ZMYM5: variants seen among roughly 807,000 people sequenced by gnomAD.
ZMYM5 encodes the protein zinc finger MYM-type protein 5.
ZMYM5 carries 41 observed loss-of-function variants against 61.8 expected under a neutral mutation model. That is an observed-to-expected ratio of 0.66 (90% CI 0.52 to 0.86). The LOEUF is 0.86. Ranked by LOEUF, ZMYM5 falls within the 40% of genes least tolerant of loss-of-function variation. The pLI is 0.00. For missense variants in ZMYM5, 706 were observed against 786.7 expected (o/e 0.90, Z 1.23); for synonymous variants, 257 against 276.4 (o/e 0.93, Z 0.70).
At chr13:19,860,805 A>G (rs893729814) in intron 2 of ZMYM5, among the ~76,000 whole-genome samples, 7 of 151,972 alleles carry the variant, frequency 4.6e-5, no homozygotes, top group Non-Finnish European at 8.8e-5. Flanking sequence ...AAATTCAGCA[A>G]TAAGAATTGA....
At chr13:19,862,844 G>A (rs568010158) in intron 1 of ZMYM5, among the ~76,000 whole-genome samples, 2 of 152,334 alleles carry the variant, frequency 1.3e-5, no homozygotes, top group Admixed American at 1.3e-4. Flanking sequence ...GTAACGGGCG[G>A]CGCGCATCAC....
At position 19,824,417 on chromosome 13, in the gene ZMYM5, C is replaced by A. The variant is rs1890805640; in HGVS notation, c.*60G>T. On this transcript the variant is annotated 3_prime_UTR_variant, in exon 8 of 8. Coordinates refer to ENST00000337963, the MANE Select transcript of ZMYM5 (RefSeq NM_001142684.2). ...CACAATAGTACTGACTATTGCAGGA[C>A]AGATGTTTTCTGAGTAATGTAAGAT... 8.0e-7 allele frequency: 1 copy of A among 1,242,620 alleles called. No homozygotes were observed. The highest frequency in any genetic ancestry group is 1.0e-6 in the Non-Finnish European group (1 of 969,586). The allele number at this position is 1,242,620 out of a possible 1,614,324, so 77.0% of individuals were successfully genotyped here.
intron 7 of ZMYM5, among the ~76,000 whole-genome samples, chr13:19,825,757 G>A (rs886165502): frequency 1.3e-5 from 2 of 150,942 alleles, no homozygotes; most frequent in East Asian, 4.0e-4. Flanking sequence ...AATAGAGAAT[G>A]AGGCTGGGTG....
intron 4 of ZMYM5, among the ~76,000 whole-genome samples, chr13:19,849,591 A>G (rs915328189): frequency 6.6e-6 from 1 of 152,218 alleles, no homozygotes; most frequent in African/African-American, 2.4e-5. Context: ...TGGGGTAAGG[A>G]GACATATTTT....
chr13:19,863,585 C>G lies in ZMYM5; in HGVS notation c.-214G>C, dbSNP rs1158409929. 2 of 152,848 alleles carry G rather than the reference C, an allele frequency of 1.3e-5. No individual in the cohort carries two copies. Among genetic ancestry groups the G allele is most frequent in the Non-Finnish European group, 2.9e-5 (2 of 68,250 alleles). The allele number at this position is 152,848 out of a possible 1,614,324, so 9.5% of individuals were successfully genotyped here. A position where few individuals can be genotyped will look rare whatever the true frequency, so the allele number is the denominator to read the frequency against. On this transcript the variant is annotated 5_prime_UTR_variant, in exon 1 of 8. Transcript: ENST00000337963. ...GGCTGCGCGGAACGAACAAGCCCACCCCGCTTCGGCGACAAGCACAACTCC... is the reference window on the plus strand; with the variant it reads ...GGCTGCGCGGAACGAACAAGCCCACGCCGCTTCGGCGACAAGCACAACTCC...
intron 2 of ZMYM5, among the ~76,000 whole-genome samples, chr13:19,858,585 C>CAA (rs34468029): frequency 0.074 from 6,285 of 84,544 alleles, 536 homozygotes; most frequent in Middle Eastern, 0.11. Context: ...GACGCTGTTT[C>CAA]AAAAAAAAAA....
chr13:19,840,213 G>A (rs1952818847), intron 4 of ZMYM5, among the ~76,000 whole-genome samples: 1 of 152,186 alleles, frequency 6.6e-6, no homozygotes, highest in Non-Finnish European at 1.5e-5. Flanking sequence ...TAAGGCGGGA[G>A]GATCACTTGA....
At chr13:19,854,367 G>A (rs1324866272) in intron 2 of ZMYM5, among the ~76,000 whole-genome samples, 1 of 152,150 alleles carries the variant, frequency 6.6e-6, no homozygotes, top group Non-Finnish European at 1.5e-5. Flanking sequence ...GCTCACACCT[G>A]TAATCCCAGT....
intron 4 of ZMYM5, among the ~76,000 whole-genome samples, chr13:19,848,455 T>G (rs981614760): frequency 6.6e-6 from 1 of 152,030 alleles, no homozygotes; most frequent in Non-Finnish European, 1.5e-5. Context: ...CCATTATTAT[T>G]ATTTTTTAAA....
chr13:19,827,422 A>G (rs1890966703), intron 7 of ZMYM5, among the ~76,000 whole-genome samples: 1 of 152,208 alleles, frequency 6.6e-6, no homozygotes, highest in African/African-American at 2.4e-5. Flanking sequence ...AACTAAGCAT[A>G]CTATTTTAAT....
At chr13:19,853,088 G>A (rs1953373655) in intron 2 of ZMYM5, among the ~76,000 whole-genome samples, 1 of 152,316 alleles carries the variant, frequency 6.6e-6, no homozygotes, top group South Asian at 2.1e-4. Flanking sequence ...CTGGCCTCAA[G>A]CAATCCTCCT....
At chr13:19,858,304 G>A (rs1341394489) in intron 2 of ZMYM5, among the ~76,000 whole-genome samples, 1 of 152,064 alleles carries the variant, frequency 6.6e-6, no homozygotes, top group East Asian at 1.9e-4. Context: ...AGTAAAGTGG[G>A]CCAGGTGCAG....
intron 7 of ZMYM5, among the ~76,000 whole-genome samples, chr13:19,832,334 T>C (rs973146523): frequency 6.6e-6 from 1 of 151,182 alleles, no homozygotes; most frequent in African/African-American, 2.4e-5. Flanking sequence ...CCTTTTTTTG[T>C]TGTTGTTGTT....
chr13:19,848,706 A>G (rs1953174930), intron 4 of ZMYM5, among the ~76,000 whole-genome samples: 1 of 151,152 alleles, frequency 6.6e-6, no homozygotes, highest in Admixed American at 6.6e-5. Context: ...GCTACTTTTT[A>G]ATTTTTTTAG....
chr13:19,834,994 CTTT>C (rs71070250), intron 7 of ZMYM5, among the ~76,000 whole-genome samples: 22 of 140,566 alleles, frequency 1.6e-4, no homozygotes, highest in East Asian at 4.2e-4. Flanking sequence ...CATTTTCTTT[CTTT>C]TTTTTTTTTT....
intron 2 of ZMYM5, among the ~76,000 whole-genome samples, chr13:19,859,640 C>T (rs747831922): frequency 3.4e-4 from 52 of 151,832 alleles, no homozygotes; most frequent in Admixed American, 1.1e-3. Flanking sequence ...ATCTCCTGAC[C>T]TCATGATCTG....
chr13:19,860,079 G>C (rs1362982559), intron 2 of ZMYM5, among the ~76,000 whole-genome samples: 1 of 140,250 alleles, frequency 7.1e-6, no homozygotes, highest in African/African-American at 2.6e-5. Context: ...ACTCCAGCCT[G>C]GGTGACAGGG....
chr13:19,835,969 G>A (rs533169391), intron 6 of ZMYM5, among the ~76,000 whole-genome samples: 9 of 151,702 alleles, frequency 5.9e-5, no homozygotes, highest in South Asian at 2.1e-4. Context: ...GATTACAGGC[G>A]CCCGCCACCA....
Position 19,838,707 on chromosome 13 carries a change from A to G in ZMYM5, c.865T>C (p.Cys289Arg), listed in dbSNP as rs1250864418. The change falls in exon 5 of 8, where the codon TGT (cysteine) becomes CGT (arginine). Residue 289 changes from cysteine (C) to arginine (R), a missense_variant. Physicochemically the swap from Cys to Arg is radical, Grantham distance 180. This residue lies in a region of ZMYM5 where 480 missense variants were observed against 461.7 expected (regional missense o/e 1.04). Coordinates refer to ENST00000337963, the MANE Select transcript of ZMYM5 (RefSeq NM_001142684.2). Reference sequence around the variant, plus strand: ...TTGAAAGGTACTGCTTACTTTTTACATATTATGCTTCGTGTGTTTTGAGTA... The same window carrying G: ...TTGAAAGGTACTGCTTACTTTTTACGTATTATGCTTCGTGTGTTTTGAGTA... ...KRTQNTRSII[C>R]KKDASTKKAN... 9 of 1,613,930 alleles carry G rather than the reference A, an allele frequency of 5.6e-6. No individual in the cohort carries two copies. The highest frequency in any genetic ancestry group is 6.8e-6 in the Non-Finnish European group (8 of 1,179,956).
Sources: allele counts gnomAD v4.1 joint callset (sites outside exome capture counted in the v4.1 genomes callset), GRCh38; gene constraint gnomAD v4.1.1; regional missense constraint gnomAD v4.1.1; transcripts MANE v1.5; gene names NCBI Gene and HGNC (gene_info 2026-07-23, HGNC 2026-07-21).